The following MGAT4C variants were observed in gnomAD, a reference collection of about 807,000 sequenced individuals.
The protein encoded by MGAT4C is alpha-1,3-mannosyl-glycoprotein 4-beta-N-acetylglucosaminyltransferase C.
A neutral mutation model predicts 40.1 loss-of-function variants in MGAT4C; 19 were observed. The ratio of observed to expected loss-of-function variants is 0.47; its 90% CI spans 0.33 to 0.70. The LOEUF (loss-of-function observed/expected upper bound fraction) is 0.70. MGAT4C is among the 30% of genes least tolerant of loss of function. MGAT4C has a pLI of 0.02. For missense variants in MGAT4C, 491 were observed against 563.2 expected, an observed-to-expected ratio of 0.87 and a Z score of 1.30; for synonymous variants, 181 against 187.1, an observed-to-expected ratio of 0.97 and a Z score of 0.27.
intron 2 of MGAT4C, among the ~76,000 whole-genome samples, chr12:86,469,264 G>C (rs4300451): frequency 6.6e-6 from 1 of 152,096 alleles, no homozygotes; most frequent in African/African-American, 2.4e-5. Context: ...TGTTGTGTAA[G>C]GCTTCTTGTT....
chr12:86,501,238 GT>G (rs60898181), intron 2 of MGAT4C, among the ~76,000 whole-genome samples: 130 of 151,998 alleles, frequency 8.6e-4, no homozygotes, highest in African/African-American at 3.1e-3. Context: ...GAAGAGAAAT[GT>G]TTCTAGAAGA....
At chr12:86,816,586 A>C (rs11104110) in intron 1 of MGAT4C, among the ~76,000 whole-genome samples, 16,030 of 151,660 alleles carry the variant, frequency 0.11, 1,156 homozygotes, top group Non-Finnish European at 0.15. Context: ...TTTTTAATAC[A>C]TTCTGGTTAA....
In MGAT4C at chr12:86,486,845, T is replaced by G. The variant is rs199682300; in HGVS notation, c.-228-51580A>C. ...AAGACAGAGTGTTTTAACGTCAGTC[T>G]GTTGATAGTTAAACCCAGTGAGTAA... On this transcript the variant is annotated intron_variant, in intron 2 of 7. Transcript: ENST00000548651. 7.9e-5 allele frequency among the ~76,000 whole-genome samples: 12 copies of G among 152,302 alleles called. No individual in the cohort carries two copies. In the East Asian group the frequency reaches 9.7e-4, roughly 12 times the overall value.
At chr12:86,071,950 G>A (rs914297151) in intron 1 of MGAT4C, among the ~76,000 whole-genome samples, 1 of 151,864 alleles carries the variant, frequency 6.6e-6, no homozygotes, top group East Asian at 1.9e-4. Context: ...AAACATAAAA[G>A]CCAATCTCTT....
intron 2 of MGAT4C, among the ~76,000 whole-genome samples, chr12:86,496,530 TTAA>T (rs1592918584): frequency 6.6e-6 from 1 of 151,974 alleles, no homozygotes; most frequent in Admixed American, 6.6e-5. Context: ...GGTAATAAAT[TTAA>T]TAATGTTTCA....
At chr12:86,812,524 T>C (rs1952498352) in intron 1 of MGAT4C, among the ~76,000 whole-genome samples, 3 of 152,130 alleles carry the variant, frequency 2.0e-5, no homozygotes, top group Admixed American at 2.0e-4. Context: ...TCTTGTTAAA[T>C]GGATCTTCTG....
At chr12:86,481,863 C>T (rs1957943376) in intron 2 of MGAT4C, among the ~76,000 whole-genome samples, 1 of 151,846 alleles carries the variant, frequency 6.6e-6, no homozygotes, top group Non-Finnish European at 1.5e-5. Context: ...GCAATTCTCC[C>T]ATCTCAGCAA....
chr12:86,583,878 G>A (rs1960894564), intron 2 of MGAT4C, among the ~76,000 whole-genome samples: 1 of 150,854 alleles, frequency 6.6e-6, no homozygotes, highest in South Asian at 2.1e-4. Context: ...CTTGAATATT[G>A]GGAAATCTTT....
intron 1 of MGAT4C, among the ~76,000 whole-genome samples, chr12:86,081,313 G>A (rs986227421): frequency 2.6e-5 from 4 of 152,148 alleles, no homozygotes; most frequent in African/African-American, 7.2e-5. Context: ...GACTTTTTGG[G>A]ATGACAGAAG....
chr12:86,090,503 G>T (rs1343718829), intron 1 of MGAT4C, among the ~76,000 whole-genome samples: 1 of 151,600 alleles, frequency 6.6e-6, no homozygotes, highest in Non-Finnish European at 1.5e-5. Flanking sequence ...TGATATATTG[G>T]TTGAGTGTAA....
chr12:86,576,800 T>C (rs1960578139), intron 2 of MGAT4C, among the ~76,000 whole-genome samples: 1 of 151,916 alleles, frequency 6.6e-6, no homozygotes, highest in African/African-American at 2.4e-5. Flanking sequence ...GCTTTGGCTA[T>C]TCTGAGTTTT....
rs78014269 is a variant in MGAT4C at position 86,292,838 on chromosome 12, G to GT, written c.-57+41226dup. Among the ~76,000 whole-genome samples, 858 of 139,618 alleles carry GT rather than the reference G, an allele frequency of 6.1e-3. 2 individuals carry two copies. The highest frequency in any genetic ancestry group is 0.017 in the African/African-American group (649 of 38,108). The allele number at this position is 139,618 out of a possible 152,430, so 91.6% of individuals were successfully genotyped here. A position where few individuals can be genotyped will look rare whatever the true frequency, so the allele number is the denominator to read the frequency against. On this transcript the variant is annotated intron_variant, in intron 4 of 7. Coordinates refer to the MGAT4C transcript ENST00000548651. ...AAACAGAAAGGTAAAAGAAATGACT[G>GT]TTTTTTTTTTTTTTAAACCTGCAAC...
rs568376427 is a variant in MGAT4C, at chr12:86,174,329, A to G, written c.-57+81910T>C. Reference sequence around the variant, plus strand: ...TTGTTAAGGACTCAGAAGCAGAAACATTTGTATACAAACTCCAGTTGTTTT... The same window carrying G: ...TTGTTAAGGACTCAGAAGCAGAAACGTTTGTATACAAACTCCAGTTGTTTT... On this transcript the variant is annotated intron_variant, in intron 1 of 4. Transcript: ENST00000611864. Among the ~76,000 whole-genome samples the G allele has an allele frequency of 2.0e-5, 3 of 152,186 alleles. No homozygotes were observed. In the East Asian group the frequency reaches 5.8e-4, roughly 29 times the overall value.
intron 2 of MGAT4C, among the ~76,000 whole-genome samples, chr12:86,693,034 A>G (rs1950197641): frequency 1.7e-5 from 1 of 60,208 alleles, no homozygotes; most frequent in Non-Finnish European, 4.5e-5. Context: ...AAACCTCTAT[A>G]CTACTGATTG....
chr12:86,496,465 T>C (rs578102533), intron 2 of MGAT4C, among the ~76,000 whole-genome samples: 31 of 150,808 alleles, frequency 2.1e-4, no homozygotes, highest in African/African-American at 6.0e-4. Context: ...TTTCTCAATC[T>C]TTTTAGAGAA....
intron 3 of MGAT4C, among the ~76,000 whole-genome samples, chr12:86,344,581 T>C (rs544280914): frequency 3.9e-5 from 6 of 152,302 alleles, no homozygotes; most frequent in Middle Eastern, 3.4e-3. Flanking sequence ...CAGGTTCCAA[T>C]TGATTGTACT....
chr12:86,431,622 T>C (rs1401604066), intron 3 of MGAT4C, among the ~76,000 whole-genome samples: 1 of 152,168 alleles, frequency 6.6e-6, no homozygotes, highest in East Asian at 1.9e-4. Flanking sequence ...ACCATAAATG[T>C]TCTCAGAATG....
chr12:86,358,788 G>A (rs975206712), intron 3 of MGAT4C, among the ~76,000 whole-genome samples: 4 of 152,098 alleles, frequency 2.6e-5, no homozygotes, highest in Admixed American at 6.6e-5. Flanking sequence ...TATCCTAAAT[G>A]TATATGCACC....
At chr12:86,050,756 C>T (rs1008436118) in intron 1 of MGAT4C, among the ~76,000 whole-genome samples, 3 of 151,990 alleles carry the variant, frequency 2.0e-5, no homozygotes, top group Admixed American at 1.3e-4. Context: ...TGTCTTCTTC[C>T]GTAGCTTCCA....
Sources: allele counts gnomAD v4.1 joint callset (sites outside exome capture counted in the v4.1 genomes callset), GRCh38; gene constraint gnomAD v4.1.1; transcripts MANE v1.5; gene names NCBI Gene and HGNC (gene_info 2026-07-23, HGNC 2026-07-21).